The following TRMT11 variants were observed in gnomAD, a reference collection of about 807,000 sequenced individuals.
The protein encoded by TRMT11 is tRNA (guanine(10)-N(2))-methyltransferase TRMT11.
In TRMT11, 53 loss-of-function variants were observed where a neutral mutation model predicts 62.8. The observed-to-expected ratio is 0.84, with a 90% CI of 0.68 to 1.06. The LOEUF is 1.06. Ranked by LOEUF, TRMT11 falls within the 50% of genes least tolerant of loss-of-function variation. The probability of loss-of-function intolerance (pLI) is 0.00; values close to 1 mark genes in which losing one functional copy is unlikely to be tolerated. For synonymous variants in TRMT11, 188 were observed against 190.3 expected (o/e 0.99, Z 0.10); for missense variants, 556 against 553.4 (o/e 1.00, Z -0.05).
intron 11 of TRMT11, among the ~76,000 whole-genome samples, chr6:126,017,884 C>G (rs1795215580): frequency 6.6e-6 from 1 of 152,208 alleles, no homozygotes; most frequent in African/African-American, 2.4e-5. Flanking sequence ...TGTACACATA[C>G]AATCCAGGTG....
chr6:126,204,638 A>G (rs141335676), downstream of TRMT11, among the ~76,000 whole-genome samples: 778 of 152,362 alleles, frequency 5.1e-3, 3 homozygotes, highest in Non-Finnish European at 7.8e-3. Context: ...ACAGTTTAAT[A>G]TGACAGACTG....
chr6:126,108,758 G>C (rs1777493355), intron 17 of TRMT11, among the ~76,000 whole-genome samples: 1 of 152,188 alleles, frequency 6.6e-6, no homozygotes, highest in Admixed American at 6.6e-5. Context: ...TGGACAGCAT[G>C]ACATTCTACC....
At chr6:126,112,355 T>G (rs150126123) in intron 17 of TRMT11, among the ~76,000 whole-genome samples, 104 of 152,304 alleles carry the variant, frequency 6.8e-4, no homozygotes, top group African/African-American at 2.3e-3. Context: ...ATTCCTGTGG[T>G]TACATCAACT....
At chr6:126,094,789 C>A (rs1173817966) in intron 17 of TRMT11, among the ~76,000 whole-genome samples, 1 of 152,172 alleles carries the variant, frequency 6.6e-6, no homozygotes, top group African/African-American at 2.4e-5. Flanking sequence ...GGTCTATTTT[C>A]TACCTAATTA....
intron 21 of TRMT11, among the ~76,000 whole-genome samples, chr6:126,168,692 T>C (rs1362654963): frequency 2.0e-5 from 3 of 152,184 alleles, no homozygotes; most frequent in African/African-American, 7.2e-5. Flanking sequence ...CTAATTTTTA[T>C]ATTTTTAGTA....
At chr6:126,214,120 A>T in the TRMT11 span, among the ~76,000 whole-genome samples, 3 of 148,976 alleles carry the variant, frequency 2.0e-5, no homozygotes, top group African/African-American at 7.7e-5. Context: ...GATCTTTCTA[A>T]TGTGTTGATT....
At chr6:126,271,676 T>C in the TRMT11 span, among the ~76,000 whole-genome samples, 5 of 152,256 alleles carry the variant, frequency 3.3e-5, no homozygotes, top group East Asian at 1.9e-4. Context: ...ACATAAAACA[T>C]TGGGCATTCA....
intron 17 of TRMT11, among the ~76,000 whole-genome samples, chr6:126,074,012 T>TA (rs1442934864): frequency 2.6e-5 from 4 of 152,018 alleles, no homozygotes; most frequent in Non-Finnish European, 2.9e-5. Flanking sequence ...AGCATGAGGG[T>TA]AACTGCCTCC....
intron 6 of TRMT11, 69 bp downstream of exon 6, chr6:125,998,753 A>T (rs1423203243): frequency 5.4e-6 from 8 of 1,475,938 alleles, no homozygotes; most frequent in Middle Eastern, 3.6e-4. Context: ...CCTTTTGTTG[A>T]CTCCTATGTA....
At chr6:126,270,870 T>C in the TRMT11 span, among the ~76,000 whole-genome samples, 5 of 152,230 alleles carry the variant, frequency 3.3e-5, no homozygotes, top group Non-Finnish European at 7.3e-5. Context: ...TTTCTATGAT[T>C]TTGTGAATAC....
chr6:126,078,149 T>G (rs1309379753), intron 17 of TRMT11, among the ~76,000 whole-genome samples: 1 of 152,152 alleles, frequency 6.6e-6, no homozygotes, highest in Non-Finnish European at 1.5e-5. Flanking sequence ...AAGAGACCTC[T>G]GAAAGCTAAG....
At chr6:126,079,524 G>T (rs1044827080) in intron 17 of TRMT11, among the ~76,000 whole-genome samples, 2 of 152,090 alleles carry the variant, frequency 1.3e-5, no homozygotes, top group Non-Finnish European at 2.9e-5. Context: ...CTAAGACTTC[G>T]ATTTTTAAAA....
In TRMT11 at chr6:125,999,616, A is replaced by G; in HGVS notation, c.679+3A>G. On this transcript the variant is annotated splice_donor_region_variant and intron_variant, in intron 7 of 12. Coordinates refer to ENST00000334379, the MANE Select transcript of TRMT11 (RefSeq NM_001031712.3). ...CTTTGATCCATTTGTTGGAACAGGT[A>G]TTTTTATTTAACTTTTAAGCTAGTG... 1 of 1,605,094 alleles carries G rather than the reference A, an allele frequency of 6.2e-7. No individual in the cohort carries two copies. The highest frequency in any genetic ancestry group is 1.1e-5 in the South Asian group (1 of 89,520).
downstream of TRMT11, among the ~76,000 whole-genome samples, chr6:126,207,858 A>G (rs1029583450): frequency 2.6e-5 from 4 of 152,222 alleles, no homozygotes; most frequent in Admixed American, 2.6e-4. Context: ...GACAAAATGC[A>G]CAAAGTGAAC....
intron 17 of TRMT11, among the ~76,000 whole-genome samples, chr6:126,093,604 TATATA>T (rs1777301247): frequency 2.3e-5 from 2 of 87,380 alleles, no homozygotes; most frequent in African/African-American, 1.4e-4. Context: ...TATATATATA[TATATA>T]TATATATATA....
At chr6:126,069,930 ACT>A (rs1776803383) in intron 17 of TRMT11, among the ~76,000 whole-genome samples, 3 of 150,532 alleles carry the variant, frequency 2.0e-5, no homozygotes. Flanking sequence ...AATCACCCTT[ACT>A]TTTGAAGAGT....
rs1295889705 is a variant in TRMT11, at chr6:126,011,335, G to A, written c.843G>A (p.Lys281=). ...RANLRQYGLE[K]YYLDVLVSDA... ...ATCTTCGTCAATATGGTTTAGAGAA[G>A]TATTACCTTGATGTCCTGGTTTCAG... is the stretch of plus-strand genomic sequence containing the variant. The change falls in exon 9 of 13, where the codon AAG becomes AAA. Residue 281 remains lysine, a synonymous_variant. Coordinates refer to ENST00000334379, the MANE Select transcript of TRMT11 (RefSeq NM_001031712.3). The A allele has an allele frequency of 3.7e-6, 6 of 1,613,396 alleles. No homozygotes were observed. The highest frequency in any genetic ancestry group is 4.2e-6 in the Non-Finnish European group (5 of 1,179,532).
rs534623386 is a variant in TRMT11 at position 126,009,123 on chromosome 6, CAT to C, written c.760+654_760+655del. ...TTAATAAATATACATGATAATGAAA[CAT>C]ATTTGGTTAAGATTATCACCACTCA... On this transcript the variant is annotated intron_variant, in intron 8 of 12. Transcript: ENST00000334379. 1.6e-4 allele frequency among the ~76,000 whole-genome samples: 25 copies of C among 151,926 alleles called. 1 individual carries two copies. The South Asian group carries it at 4.2e-3, about 25-fold the overall frequency.
chr6:126,123,903 G>GT (rs796157716), intron 21 of TRMT11, among the ~76,000 whole-genome samples: 32 of 151,778 alleles, frequency 2.1e-4, no homozygotes, highest in African/African-American at 7.5e-4. Context: ...TACTTTTTGA[G>GT]TTTTTTTAAA....
Sources: allele counts gnomAD v4.1 joint callset (sites outside exome capture counted in the v4.1 genomes callset), GRCh38; gene constraint gnomAD v4.1.1; transcripts MANE v1.5; gene names NCBI Gene and HGNC (gene_info 2026-07-23, HGNC 2026-07-21).